Variants in ZSWIM5 observed in about 807,000 individuals in gnomAD.
ZSWIM5 encodes zinc finger SWIM-type containing 5, also known as zinc finger SWIM domain-containing protein 5.
A neutral mutation model predicts 119.6 loss-of-function variants in ZSWIM5; 55 were observed. The ratio of observed to expected loss-of-function variants is 0.46; its 90% CI spans 0.37 to 0.58. The LOEUF is 0.58. Ranked by LOEUF, ZSWIM5 falls within the 20% of genes least tolerant of loss-of-function variation. The pLI, the probability that ZSWIM5 is intolerant of heterozygous loss-of-function variation, is 0.00. For synonymous variants in ZSWIM5, 537 were observed against 606.9 expected (o/e 0.88, Z 1.69); for missense variants, 1,193 against 1,512.8 (o/e 0.79, Z 3.51).
intron 1 of ZSWIM5, among the ~76,000 whole-genome samples, chr1:45,116,108 A>G (rs1358846165): frequency 2.0e-5 from 3 of 151,696 alleles, no homozygotes; most frequent in Non-Finnish European, 4.4e-5. Context: ...AGAGAGGGAC[A>G]GCGAGACAGA....
intron 1 of ZSWIM5, among the ~76,000 whole-genome samples, chr1:45,143,008 CAAAA>C (rs754052253): frequency 1.7e-5 from 2 of 114,314 alleles, no homozygotes; most frequent in Admixed American, 8.9e-5. Context: ...CTGTCTCTAC[CAAAA>C]AAAAAAAAAA....
In ZSWIM5 at chr1:45,019,970, T is replaced by C; in HGVS notation, c.2695+96A>G. Reference sequence around the variant, plus strand: ...ATCTCCTGATGGACCTAAGATCTCATAGGAATATGAGAGCTCTAAGGATTG... The same window carrying C: ...ATCTCCTGATGGACCTAAGATCTCACAGGAATATGAGAGCTCTAAGGATTG... On this transcript the variant is annotated intron_variant, in intron 13 of 13. Transcript: ENST00000359600. This position sits in a 1 kb window ranked among gnomAD's most constrained non-coding sequence, Gnocchi z 5.0. 6.5e-6 allele frequency: 7 copies of C among 1,074,424 alleles called. No homozygotes were observed. Among genetic ancestry groups the C allele is most frequent in the Middle Eastern group, 2.2e-4 (1 of 4,638 alleles). 66.6% of individuals were successfully genotyped at this position (1,074,424 alleles called of 1,614,324 possible). A position where few individuals can be genotyped will look rare whatever the true frequency, so the allele number is the denominator to read the frequency against.
At chr1:45,076,117 T>C (rs541195396) in intron 2 of ZSWIM5, among the ~76,000 whole-genome samples, 2 of 152,316 alleles carry the variant, frequency 1.3e-5, no homozygotes, top group East Asian at 3.9e-4. Context: ...GATTGGTTCA[T>C]AGTTTAGTCT....
At position 45,057,078 on chromosome 1, in the gene ZSWIM5, T is replaced by C. The variant is rs1232315865; in HGVS notation, c.1252+1531A>G. 6.6e-6 allele frequency among the ~76,000 whole-genome samples: 1 copy of C among 152,204 alleles called. No homozygotes were observed. Among genetic ancestry groups the C allele is most frequent in the Admixed American group, 6.5e-5 (1 of 15,288 alleles). Reference sequence around the variant, plus strand: ...GAAGCATGAATGCACTGTGTTCTAGTGTCTAACCTAATAAGCCTTCTCTAA... The same window carrying C: ...GAAGCATGAATGCACTGTGTTCTAGCGTCTAACCTAATAAGCCTTCTCTAA... On this transcript the variant is annotated intron_variant, in intron 4 of 13. Coordinates refer to ENST00000359600, the MANE Select transcript of ZSWIM5 (RefSeq NM_020883.2). The surrounding 1 kb of genome is among the most constrained non-coding windows in gnomAD (Gnocchi z 4.7).
chr1:45,160,293 T>C (rs1335429357), intron 1 of ZSWIM5, among the ~76,000 whole-genome samples: 2 of 152,230 alleles, frequency 1.3e-5, no homozygotes, highest in African/African-American at 4.8e-5. Flanking sequence ...CATTTCTATG[T>C]GTTGGTAACA....
intron 1 of ZSWIM5, among the ~76,000 whole-genome samples, chr1:45,173,514 G>A (rs1225776036): frequency 6.6e-6 from 1 of 151,850 alleles, no homozygotes; most frequent in Non-Finnish European, 1.5e-5. Flanking sequence ...AATCTCTATA[G>A]GACTTAAGTT....
intron 1 of ZSWIM5, among the ~76,000 whole-genome samples, chr1:45,099,410 T>C (rs1487602873): frequency 1.3e-5 from 2 of 151,764 alleles, no homozygotes. Flanking sequence ...ATAATTAATA[T>C]CCTACCAACC....
intron 1 of ZSWIM5, among the ~76,000 whole-genome samples, chr1:45,190,859 A>C (rs1013084123): frequency 6.7e-6 from 1 of 149,750 alleles, no homozygotes; most frequent in Non-Finnish European, 1.5e-5. Context: ...AGCTCAGCCA[A>C]CCAGATTTGG....
chr1:45,056,529 G>A (rs190773924), intron 4 of ZSWIM5, among the ~76,000 whole-genome samples: 1 of 151,970 alleles, frequency 6.6e-6, no homozygotes, highest in East Asian at 1.9e-4. Context: ...AGGAGGCAGA[G>A]GTTGCAGTGA....
intron 4 of ZSWIM5, among the ~76,000 whole-genome samples, chr1:45,052,658 A>G (rs991891684): frequency 6.6e-6 from 1 of 151,882 alleles, no homozygotes; most frequent in Non-Finnish European, 1.5e-5. Flanking sequence ...AGCTGGTCCC[A>G]GCTACTCAGG....
At chr1:45,078,049 T>C (rs1645265841) in intron 2 of ZSWIM5, among the ~76,000 whole-genome samples, 1 of 152,170 alleles carries the variant, frequency 6.6e-6, no homozygotes, top group Non-Finnish European at 1.5e-5. Context: ...GCGACATACA[T>C]CCTTCTTGGC....
At chr1:45,123,662 C>G (rs1645605775) in intron 1 of ZSWIM5, among the ~76,000 whole-genome samples, 1 of 151,914 alleles carries the variant, frequency 6.6e-6, no homozygotes. Context: ...ATCCCAGAAG[C>G]AGAAAAAAGA....
In ZSWIM5 at chr1:45,205,808, G is replaced by T. The variant is rs1022753192; in HGVS notation, c.543C>A (p.Arg181=). Residue 181 remains arginine (R), a synonymous_variant, in exon 1 of 14, where the codon CGC becomes CGA. Transcript: ENST00000359600. ...CGCTGTCCAGCAGACGGATGCCCCG[G>T]CGGAACGGGAGCCCCTCGCCACCGC... The part of the protein sequence containing the change: ...AGCGGEGLPF[R]RGIRLLDSGS... The T allele has an allele frequency of 8.4e-6, 13 of 1,546,254 alleles. No individual in the cohort carries two copies. The African/African-American group carries it at 1.8e-4, about 22-fold the overall frequency.
chr1:45,206,166 G>A lies in ZSWIM5; in HGVS notation c.185C>T (p.Pro62Leu). The A allele has an allele frequency of 6.2e-7, 1 of 1,607,452 alleles. No homozygotes were observed. The highest frequency in any genetic ancestry group is 8.5e-7 in the Non-Finnish European group (1 of 1,177,870). Residue 62 changes from proline to leucine, a missense_variant, in exon 1 of 14, where the codon CCG (proline) becomes CTG (leucine). Pro to Leu is a moderately conservative substitution (Grantham distance 98, BLOSUM62 -3). This residue lies in a region of ZSWIM5 where 232 missense variants were observed against 222.9 expected (regional missense o/e 1.04). Coordinates refer to ENST00000359600, the MANE Select transcript of ZSWIM5 (RefSeq NM_020883.2). The part of the protein sequence containing the change: ...LVLGARPHLQ[P>L]DSLLDCAAKT... ...GGCGGCGCAGTCCAGTAAGGAATCC[G>A]GCTGCAGGTGGGGGCGGGCCCCGAG...
chr1:45,139,352 C>CTTTCT (rs1401655646), intron 1 of ZSWIM5, among the ~76,000 whole-genome samples: 4 of 151,404 alleles, frequency 2.6e-5, no homozygotes, highest in African/African-American at 4.8e-5. Flanking sequence ...GCTAATTTCT[C>CTTTCT]TTTCTTTTCT....
At chr1:45,198,743 C>A (rs1290113367) in intron 1 of ZSWIM5, among the ~76,000 whole-genome samples, 1 of 152,090 alleles carries the variant, frequency 6.6e-6, no homozygotes, top group Non-Finnish European at 1.5e-5. Flanking sequence ...TTTCTTCAGT[C>A]AATAATGTAA....
chr1:45,135,557 T>C (rs1214977406), intron 1 of ZSWIM5, among the ~76,000 whole-genome samples: 2 of 152,210 alleles, frequency 1.3e-5, no homozygotes, highest in Non-Finnish European at 2.9e-5. Flanking sequence ...GCTTGAACTG[T>C]GTGATTTACA....
At chr1:45,047,017 C>G (rs1249609855) in intron 5 of ZSWIM5, among the ~76,000 whole-genome samples, 1 of 92,798 alleles carries the variant, frequency 1.1e-5, no homozygotes, top group Non-Finnish European at 2.1e-5. Flanking sequence ...AACTCTGTCT[C>G]AAAAAAAAAA....
chr1:45,137,423 T>A (rs1389771352), intron 1 of ZSWIM5, among the ~76,000 whole-genome samples: 5 of 151,758 alleles, frequency 3.3e-5, no homozygotes, highest in African/African-American at 9.7e-5. Flanking sequence ...AAACAAAAAA[T>A]AAGTAAATTG....
Sources: allele counts gnomAD v4.1 joint callset (sites outside exome capture counted in the v4.1 genomes callset), GRCh38; gene constraint gnomAD v4.1.1; regional missense constraint gnomAD v4.1.1; non-coding constraint Gnocchi (gnomAD v3.1); transcripts MANE v1.5; gene names NCBI Gene and HGNC (gene_info 2026-07-23, HGNC 2026-07-21).